The following LARGE1 variants were observed in gnomAD, a reference collection of about 807,000 sequenced individuals.
LARGE1 encodes the protein LARGE xylosyl- and glucuronyltransferase 1.
LARGE1 carries 43 observed loss-of-function variants against 87.6 expected under a neutral mutation model. The ratio of observed to expected loss-of-function variants is 0.49; its 90% CI spans 0.38 to 0.63. The LOEUF (loss-of-function observed/expected upper bound fraction) is 0.63. Ranked by LOEUF, LARGE1 falls within the 30% of genes least tolerant of loss-of-function variation. The pLI is 0.00. For missense variants in LARGE1, 802 were observed against 1,000.2 expected (o/e 0.80, Z 2.67); for synonymous variants, 434 against 394.6 (o/e 1.10, Z -1.18).
chr22:33,844,201 G>T (rs2063364022), intron 1 of LARGE1, among the ~76,000 whole-genome samples: 1 of 152,130 alleles, frequency 6.6e-6, no homozygotes, highest in Non-Finnish European at 1.5e-5. Flanking sequence ...GACCGTCCAA[G>T]GTTTCTTGGT....
At chr22:33,447,373 G>A (rs1427684238) in intron 6 of LARGE1, among the ~76,000 whole-genome samples, 1 of 152,238 alleles carries the variant, frequency 6.6e-6, no homozygotes, top group Non-Finnish European at 1.5e-5. Context: ...ATCATGGTCA[G>A]CAACATCTTC....
At chr22:33,333,025 T>TTTTTTTTTTTTATAC (rs1569065273) in intron 10 of LARGE1, among the ~76,000 whole-genome samples, 1 of 150,346 alleles carries the variant, frequency 6.7e-6, no homozygotes, top group African/African-American at 2.5e-5. Context: ...TTTTTTTTTT[T>TTTTTTTTTTTTATAC]GGACGGAGTC....
chr22:33,854,707 C>T (rs573059444), intron 1 of LARGE1, among the ~76,000 whole-genome samples: 13 of 151,702 alleles, frequency 8.6e-5, no homozygotes, highest in African/African-American at 3.1e-4. Flanking sequence ...TTAACAAAGA[C>T]ATTCTGTGTT....
At chr22:33,594,853 T>G (rs1230859870) in intron 5 of LARGE1, among the ~76,000 whole-genome samples, 1 of 152,192 alleles carries the variant, frequency 6.6e-6, no homozygotes, top group African/African-American at 2.4e-5. Context: ...GTGGTCCACC[T>G]GCCTCAGCCT....
chr22:33,120,394 C>CTT, the LARGE1 span, among the ~76,000 whole-genome samples: 1 of 94,154 alleles, frequency 1.1e-5, no homozygotes, highest in Non-Finnish European at 2.0e-5. Flanking sequence ...TTCTTTCTTT[C>CTT]TTTCTTTCTT....
intron 9 of LARGE1, among the ~76,000 whole-genome samples, chr22:33,346,298 CTTCT>C (rs773288123): frequency 0.011 from 1,588 of 146,986 alleles, 22 homozygotes; most frequent in Non-Finnish European, 0.017. Context: ...CCTCCTCCTT[CTTCT>C]TTTTCTTTTT....
At chr22:33,767,686 T>C (rs1739396918) in intron 1 of LARGE1, among the ~76,000 whole-genome samples, 2 of 152,068 alleles carry the variant, frequency 1.3e-5, no homozygotes. Context: ...TAATTTTTCA[T>C]GGGTGTTCAG....
the LARGE1 span, among the ~76,000 whole-genome samples, chr22:33,111,831 G>A: frequency 6.6e-6 from 1 of 152,194 alleles, no homozygotes; most frequent in Non-Finnish European, 1.5e-5. Flanking sequence ...ATGTGCTTCT[G>A]GAGGAATTAT....
At chr22:33,292,205 T>C (rs1489818165) in intron 12 of LARGE1, among the ~76,000 whole-genome samples, 1 of 152,116 alleles carries the variant, frequency 6.6e-6, no homozygotes, top group African/African-American at 2.4e-5. Flanking sequence ...CTTCCAAGCC[T>C]CTAGAACCAT....
At chr22:33,193,883 TTTATATA>T (rs1215348704) in intron 11 of LARGE1, among the ~76,000 whole-genome samples, 1 of 147,510 alleles carries the variant, frequency 6.8e-6, no homozygotes, top group Non-Finnish European at 1.5e-5. Context: ...TATATAATGT[TTTATATA>T]TTATATATGT....
intron 1 of LARGE1, among the ~76,000 whole-genome samples, chr22:33,883,344 T>G (rs1314464412): frequency 2.0e-5 from 3 of 152,168 alleles, no homozygotes; most frequent in Non-Finnish European, 4.4e-5. Flanking sequence ...ACCAGGGTCA[T>G]AGAGAATGTA....
At chr22:33,204,262 C>T (rs1231731131) in intron 11 of LARGE1, among the ~76,000 whole-genome samples, 1 of 152,036 alleles carries the variant, frequency 6.6e-6, no homozygotes, top group African/African-American at 2.4e-5. Flanking sequence ...TAACTCATTT[C>T]ACCACCAGAG....
chr22:33,832,030 A>G (rs1341511250), intron 1 of LARGE1, among the ~76,000 whole-genome samples: 1 of 151,938 alleles, frequency 6.6e-6, no homozygotes, highest in African/African-American at 2.4e-5. Context: ...TCTTCCTTTC[A>G]CCCAGCTAAC....
chr22:33,863,391 G>C (rs1281912115), intron 1 of LARGE1, among the ~76,000 whole-genome samples: 1 of 152,152 alleles, frequency 6.6e-6, no homozygotes, highest in Non-Finnish European at 1.5e-5. Context: ...GGGGCCAGGG[G>C]ATGGCTGACA....
the LARGE1 span, among the ~76,000 whole-genome samples, chr22:33,149,928 T>C: frequency 2.0e-5 from 3 of 152,222 alleles, no homozygotes; most frequent in East Asian, 5.8e-4. Context: ...TCCTTCTACG[T>C]AATTATTTTT....
At chr22:33,102,617 G>T in the LARGE1 span, among the ~76,000 whole-genome samples, 1 of 152,290 alleles carries the variant, frequency 6.6e-6, no homozygotes, top group African/African-American at 2.4e-5. Context: ...AGCCTCTTGA[G>T]TAGATGGGAT....
At chr22:33,149,609 G>A in the LARGE1 span, among the ~76,000 whole-genome samples, 2 of 152,140 alleles carry the variant, frequency 1.3e-5, no homozygotes, top group Admixed American at 1.3e-4. Flanking sequence ...CAGTTCTGTA[G>A]GTCAAAAGTC....
At chr22:33,682,592 C>T (rs975720773) in intron 2 of LARGE1, among the ~76,000 whole-genome samples, 5 of 152,206 alleles carry the variant, frequency 3.3e-5, no homozygotes, top group African/African-American at 7.2e-5. Context: ...CTTCCATTTC[C>T]GCAACTCTTT....
At chr22:33,734,435 G>T (rs991943471) in intron 2 of LARGE1, among the ~76,000 whole-genome samples, 1 of 152,198 alleles carries the variant, frequency 6.6e-6, no homozygotes, top group Non-Finnish European at 1.5e-5. Context: ...CTGGTGCAGA[G>T]GTGAGGGATG....
Sources: allele counts gnomAD v4.1 joint callset (sites outside exome capture counted in the v4.1 genomes callset), GRCh38; gene constraint gnomAD v4.1.1; transcripts MANE v1.5; gene names NCBI Gene and HGNC (gene_info 2026-07-23, HGNC 2026-07-21).